The following TBC1D5 variants were observed in gnomAD, a reference collection of about 807,000 sequenced individuals.
TBC1D5 encodes TBC1 domain family, member 5.
TBC1D5 carries 75 observed loss-of-function variants against 100.3 expected under a neutral mutation model. The ratio of observed to expected loss-of-function variants is 0.75; its 90% CI spans 0.62 to 0.91. The LOEUF (loss-of-function observed/expected upper bound fraction) is 0.91, where lower values mean the gene tolerates loss of function less well. TBC1D5 is among the 40% of genes least tolerant of loss of function. The pLI, the probability that TBC1D5 is intolerant of heterozygous loss-of-function variation, is 0.00. For missense variants in TBC1D5, 910 were observed against 942.4 expected (o/e 0.97, Z 0.45); for synonymous variants, 323 against 325.6 (o/e 0.99, Z 0.09).
intron 17 of TBC1D5, among the ~76,000 whole-genome samples, chr3:17,230,227 T>C (rs2075296578): frequency 6.6e-6 from 1 of 152,164 alleles, no homozygotes; most frequent in African/African-American, 2.4e-5. Context: ...TGACTTGACA[T>C]CCCTCTCCTT....
chr3:17,732,134 G>A (rs1158197455), intron 1 of TBC1D5, among the ~76,000 whole-genome samples: 1 of 151,562 alleles, frequency 6.6e-6, no homozygotes, highest in Admixed American at 6.6e-5. Context: ...CCTGGCCAAT[G>A]TGGTGAAACC....
At chr3:17,481,004 A>C (rs1559982608) in intron 3 of TBC1D5, among the ~76,000 whole-genome samples, 1 of 152,164 alleles carries the variant, frequency 6.6e-6, no homozygotes, top group East Asian at 1.9e-4. Flanking sequence ...AAAAGGAGAG[A>C]AGAGCTAGGG....
chr3:17,271,280 A>G (rs1040134104), intron 15 of TBC1D5, among the ~76,000 whole-genome samples: 1 of 152,044 alleles, frequency 6.6e-6, no homozygotes, highest in Non-Finnish European at 1.5e-5. Context: ...TTTGTCACCT[A>G]TGATTTCTTT....
intron 1 of TBC1D5, among the ~76,000 whole-genome samples, chr3:17,638,942 G>A (rs1406338971): frequency 6.6e-6 from 1 of 152,084 alleles, no homozygotes; most frequent in African/African-American, 2.4e-5. Context: ...AGCCACTTCA[G>A]AAAACAGCTG....
At chr3:17,241,046 C>G (rs1011711126) in intron 16 of TBC1D5, among the ~76,000 whole-genome samples, 1 of 152,100 alleles carries the variant, frequency 6.6e-6, no homozygotes, top group African/African-American at 2.4e-5. Context: ...TCTCCCTCAT[C>G]TGGTACCCAC....
chr3:17,199,247 G>A (rs2071137119), intron 18 of TBC1D5, among the ~76,000 whole-genome samples: 1 of 152,188 alleles, frequency 6.6e-6, no homozygotes, highest in African/African-American at 2.4e-5. Flanking sequence ...ATGTATGACT[G>A]ATTATAGACA....
Position 17,384,146 on chromosome 3 carries a change from T to C in TBC1D5, c.510-131A>G, listed in dbSNP as rs992062492. The C allele has an allele frequency of 1.0e-5, 7 of 668,202 alleles. No homozygotes were observed. In the Admixed American group the frequency reaches 1.7e-4, roughly 16 times the overall value. The allele number at this position is 668,202 out of a possible 1,614,324, so 41.4% of individuals were successfully genotyped here. On this transcript the variant is annotated intron_variant, in intron 8 of 21. Transcript: ENST00000253692. ...AAGCCTGTGTTTGCCATGTAACTTA[T>C]GCCTTTAGTGGGGACTGAAAAAGGA...
At chr3:17,551,732 T>C (rs941029153) in intron 2 of TBC1D5, among the ~76,000 whole-genome samples, 28 of 152,162 alleles carry the variant, frequency 1.8e-4, no homozygotes, top group African/African-American at 6.5e-4. Context: ...CAGTGGGCCA[T>C]TGTTCTCTGA....
chr3:17,376,625 G>C lies in TBC1D5; in HGVS notation c.613-12C>G. ...AGTTCGTGCATGCCCTGAAATAAAA[G>C]AGCCAGAAAAATGAAAGAGATGGAT... is the stretch of plus-strand genomic sequence containing the variant. On this transcript the variant is annotated splice_polypyrimidine_tract_variant and intron_variant, in intron 9 of 21. Coordinates refer to ENST00000253692, the Ensembl canonical transcript of TBC1D5. The C allele has an allele frequency of 6.2e-7, 1 of 1,607,680 alleles. No homozygotes were observed. The highest frequency in any genetic ancestry group is 8.5e-7 in the Non-Finnish European group (1 of 1,177,318).
chr3:17,339,512 T>C (rs1399754788), intron 13 of TBC1D5, among the ~76,000 whole-genome samples: 2 of 152,234 alleles, frequency 1.3e-5, no homozygotes, highest in Non-Finnish European at 2.9e-5. Flanking sequence ...CAGTGACATG[T>C]GTGTTTAAAC....
intron 2 of TBC1D5, among the ~76,000 whole-genome samples, chr3:17,540,932 A>AAAAAAAAG (rs2096348033): frequency 6.8e-6 from 1 of 146,218 alleles, no homozygotes; most frequent in African/African-American, 2.5e-5. Context: ...AAAAAAAAAA[A>AAAAAAAAG]GTAAGAAAAG....
chr3:17,282,332 A>C (rs1335688195), intron 15 of TBC1D5, among the ~76,000 whole-genome samples: 1 of 152,230 alleles, frequency 6.6e-6, no homozygotes, highest in Non-Finnish European at 1.5e-5. Flanking sequence ...ACACACATGC[A>C]TAGGACTGAT....
At chr3:17,735,493 G>A (rs968081388) in intron 1 of TBC1D5, among the ~76,000 whole-genome samples, 4 of 152,102 alleles carry the variant, frequency 2.6e-5, no homozygotes, top group East Asian at 3.9e-4. Flanking sequence ...AGATGGTGGC[G>A]GCCACTCCCA....
intron 10 of TBC1D5, among the ~76,000 whole-genome samples, chr3:17,376,012 A>C (rs2092692592): frequency 6.6e-6 from 1 of 152,168 alleles, no homozygotes; most frequent in South Asian, 2.1e-4. Flanking sequence ...AGTTGAATCC[A>C]ATTACAAAAG....
At chr3:17,196,398 C>T (rs2070692493) in intron 18 of TBC1D5, among the ~76,000 whole-genome samples, 1 of 152,112 alleles carries the variant, frequency 6.6e-6, no homozygotes, top group African/African-American at 2.4e-5. Flanking sequence ...TCAGAAGAGA[C>T]AGTGAAGGGA....
intron 1 of TBC1D5, among the ~76,000 whole-genome samples, chr3:17,715,804 A>T (rs1057174472): frequency 2.6e-5 from 4 of 151,918 alleles, no homozygotes; most frequent in Admixed American, 2.0e-4. Flanking sequence ...TATGTCTCTT[A>T]AAAAAAAGGG....
intron 4 of TBC1D5, among the ~76,000 whole-genome samples, chr3:17,407,974 T>A (rs1299522367): frequency 6.6e-6 from 1 of 152,132 alleles, no homozygotes; most frequent in African/African-American, 2.4e-5. Flanking sequence ...TTTGGGTCAT[T>A]TTACTGCTTC....
intron 1 of TBC1D5, among the ~76,000 whole-genome samples, chr3:17,683,054 C>T (rs1436926441): frequency 1.3e-5 from 2 of 151,400 alleles, no homozygotes; most frequent in African/African-American, 2.5e-5. Context: ...GAACATCTTT[C>T]CTTACTTTTT....
At chr3:17,541,267 C>G (rs1049786660) in intron 2 of TBC1D5, among the ~76,000 whole-genome samples, 7 of 150,856 alleles carry the variant, frequency 4.6e-5, no homozygotes, top group Non-Finnish European at 8.8e-5. Flanking sequence ...TTGGGTAGTA[C>G]TGACATCATA....
Sources: allele counts gnomAD v4.1 joint callset (sites outside exome capture counted in the v4.1 genomes callset), GRCh38; gene constraint gnomAD v4.1.1; transcripts MANE v1.5; gene names NCBI Gene and HGNC (gene_info 2026-07-23, HGNC 2026-07-21).